Variants in MYCBP2 observed in about 807,000 individuals in gnomAD.
MYCBP2 encodes E3 ubiquitin-protein ligase MYCBP2.
Under a neutral mutation model 525.3 loss-of-function variants are expected in MYCBP2, and 120 were observed. That is an observed-to-expected ratio of 0.23 (90% CI 0.20 to 0.27). The LOEUF (loss-of-function observed/expected upper bound fraction) is 0.27, where lower values mean the gene tolerates loss of function less well. Among genes scored for constraint, MYCBP2 ranks in the 10% least tolerant of loss-of-function variants. MYCBP2 has a pLI of 1.00. For synonymous variants in MYCBP2, 1,894 were observed against 1,955.8 expected (o/e 0.97, Z 0.83); for missense variants, 4,149 against 5,657.1 (o/e 0.73, Z 8.55).
chr13:77,082,155 G>C (rs1185013066), intron 63 of MYCBP2, 162 bp from the exon 64 acceptor site: 1 of 625,056 alleles, frequency 1.6e-6, no homozygotes, highest in Non-Finnish European at 2.5e-6. Context: ...TATTGTTTTT[G>C]TTTTTGAGAA....
intron 27 of MYCBP2, among the ~76,000 whole-genome samples, chr13:77,192,545 G>A (rs530475865): frequency 1.3e-5 from 2 of 152,260 alleles, no homozygotes; most frequent in East Asian, 3.9e-4. Flanking sequence ...GAAGAATAAA[G>A]GGCATTTAAA....
intron 70 of MYCBP2, 119 bp from the exon 71 acceptor site, chr13:77,067,983 A>C: frequency 2.1e-6 from 2 of 972,178 alleles, no homozygotes; most frequent in Non-Finnish European, 3.0e-6. Flanking sequence ...GTTGGAGTGC[A>C]GTGGAGCAAC....
At chr13:77,070,567 C>G in intron 69 of MYCBP2, 64 bp downstream of exon 69, 1 of 1,214,142 alleles carries the variant, frequency 8.2e-7, no homozygotes, top group Non-Finnish European at 1.2e-6. Flanking sequence ...AACAGACAAA[C>G]AAACAAACAC....
Position 77,326,875 on chromosome 13 carries a change from C to T in MYCBP2, c.-100G>A. The T allele has an allele frequency of 8.4e-7, 1 of 1,184,612 alleles. No individual in the cohort carries two copies. The allele number at this position is 1,184,612 out of a possible 1,614,324, so 73.4% of individuals were successfully genotyped here. On this transcript the variant is annotated 5_prime_UTR_variant, in exon 1 of 83. Coordinates refer to ENST00000544440, the MANE Select transcript of MYCBP2 (RefSeq NM_015057.5). The surrounding 1 kb of genome is among the most constrained non-coding windows in gnomAD (Gnocchi z 4.2). ...CCTTTTCCAACGACGACGGCTCCGG[C>T]GGCGGCCTCTGGCTCCCGCAGCAGG...
intron 26 of MYCBP2, among the ~76,000 whole-genome samples, chr13:77,202,914 T>A (rs1328052994): frequency 6.6e-6 from 1 of 152,182 alleles, no homozygotes; most frequent in Non-Finnish European, 1.5e-5. Context: ...AAGAGCTATC[T>A]ATGACAAACC....
chr13:77,069,012 G>T (rs2040656801), intron 69 of MYCBP2, among the ~76,000 whole-genome samples, 181 bp from the exon 70 acceptor site: 1 of 152,140 alleles, frequency 6.6e-6, no homozygotes, highest in East Asian at 1.9e-4. Flanking sequence ...AACAAGTAAA[G>T]CTAAGGGAGC....
In MYCBP2 at chr13:77,156,118, G is replaced by A. The variant is rs766678534; in HGVS notation, c.6855C>T (p.Thr2285=). 3.7e-6 allele frequency: 6 copies of A among 1,613,766 alleles called. No homozygotes were observed. Among genetic ancestry groups the A allele is most frequent in the Admixed American group, 1.7e-5 (1 of 59,996 alleles). Residue 2285 remains threonine (T), a synonymous_variant, in exon 46 of 83, where the codon ACC becomes ACT. Coordinates refer to ENST00000544440, the MANE Select transcript of MYCBP2 (RefSeq NM_015057.5). The part of the protein sequence containing the change: ...NKDDIRCGWP[T]TITVQTKDQY... ...GGTCTTTTGTTTGAACAGTTATGGT[G>A]GTAGGCCAACCACAACGAATATCAT...
At chr13:77,171,410 A>G (rs1056649127) in intron 38 of MYCBP2, 82 bp downstream of exon 38, 13 of 1,350,744 alleles carry the variant, frequency 9.6e-6, no homozygotes, top group Non-Finnish European at 1.3e-5. Context: ...GTATAATAGA[A>G]GGCTCCTCTT....
chr13:77,072,220 G>C (rs2041450899), intron 68 of MYCBP2, among the ~76,000 whole-genome samples: 1 of 149,988 alleles, frequency 6.7e-6, no homozygotes, highest in Non-Finnish European at 1.5e-5. Context: ...GAACCCAGGA[G>C]TCAGAGCTTG....
rs528576606 is a variant in MYCBP2, at chr13:77,066,524, A to G, written c.12456-436T>C. ...TGATGTTATCTGCATATTGTCATGG[A>G]TTGGCTCTACAAGTAGCACTGTTCA... On this transcript the variant is annotated intron_variant, in intron 71 of 82. Transcript: ENST00000544440. Among the ~76,000 whole-genome samples, 25 of 152,328 alleles carry G rather than the reference A, an allele frequency of 1.6e-4. No individual in the cohort carries two copies. In the South Asian group the frequency reaches 4.8e-3, roughly 29 times the overall value.
chr13:77,223,525 C>T (rs2065870294), intron 20 of MYCBP2, among the ~76,000 whole-genome samples: 1 of 152,170 alleles, frequency 6.6e-6, no homozygotes, highest in South Asian at 2.1e-4. Flanking sequence ...AGAATACAAA[C>T]TCGGCTGCTG....
In MYCBP2 at chr13:77,189,014, G is replaced by C. The variant is rs1452291405; in HGVS notation, c.4188C>G (p.Gly1396=). 6.2e-7 allele frequency: 1 copy of C among 1,610,634 alleles called. No homozygotes were observed. The highest frequency in any genetic ancestry group is 1.7e-5 in the Admixed American group (1 of 59,548). Residue 1396 remains glycine, a synonymous_variant, in exon 30 of 83, where the codon GGC becomes GGG. Coordinates refer to ENST00000544440, the MANE Select transcript of MYCBP2 (RefSeq NM_015057.5). ...LPTSDGSASK[G]KQQTSEPVHI... ...GTACAGGTTCACTGGTTTGCTGTTT[G>C]CCTTTTGAAGCACTGCCATCACTGG... is the stretch of plus-strand genomic sequence containing the variant.
At chr13:77,228,539 A>G (rs1039650474) in intron 18 of MYCBP2, among the ~76,000 whole-genome samples, 6 of 151,912 alleles carry the variant, frequency 3.9e-5, no homozygotes, top group African/African-American at 7.2e-5. Flanking sequence ...CAAGCTCATT[A>G]TTCAGTAAAG....
chr13:77,309,164 C>A (rs779863426), intron 1 of MYCBP2, among the ~76,000 whole-genome samples: 5 of 152,188 alleles, frequency 3.3e-5, no homozygotes, highest in Non-Finnish European at 5.9e-5. Context: ...TCTAAATACT[C>A]CCATGTCCAG....
At chr13:77,067,318 A>G (rs1387717196) in intron 71 of MYCBP2, among the ~76,000 whole-genome samples, 6 of 152,222 alleles carry the variant, frequency 3.9e-5, no homozygotes, top group Non-Finnish European at 7.4e-5. Context: ...AATTTTGTAT[A>G]TGGTGAGAGG....
intron 43 of MYCBP2, among the ~76,000 whole-genome samples, chr13:77,163,876 T>A (rs1177316447): frequency 2.6e-5 from 4 of 152,212 alleles, no homozygotes; most frequent in Admixed American, 2.6e-4. Flanking sequence ...TCCCCTCTCC[T>A]GGTTTCTCTC....
intron 79 of MYCBP2, 57 bp from the exon 80 acceptor site, chr13:77,055,824 C>T (rs149120830): frequency 1.6e-6 from 2 of 1,251,038 alleles, no homozygotes; most frequent in African/African-American, 2.9e-5. Flanking sequence ...ACTCAACAAA[C>T]ACTTAGCATG....
chr13:77,050,963 T>A (rs2036683378), intron 82 of MYCBP2, 34 bp downstream of exon 82: 2 of 1,562,046 alleles, frequency 1.3e-6, no homozygotes, highest in African/African-American at 2.8e-5. Context: ...GGTATATAGA[T>A]CATAATCGTG....
rs1371914078 is a variant in MYCBP2, at chr13:77,225,597, C to T, written c.2738-43G>A. ...TGTGAATTATGATTAAGCCATTATT[C>T]ATCTTCAAAATAAAAATTTAAATCA... On this transcript the variant is annotated intron_variant, in intron 18 of 82. Transcript: ENST00000544440. The T allele has an allele frequency of 1.9e-6, 3 of 1,601,500 alleles. No homozygotes were observed. The Admixed American group carries it at 5.1e-5, about 27-fold the overall frequency.
Sources: gnomAD v4.1 joint callset for allele counts (sites outside exome capture counted in the v4.1 genomes callset) on GRCh38, gnomAD v4.1.1 for gene constraint, Gnocchi (gnomAD v3.1) non-coding constraint, MANE v1.5 for transcripts, NCBI Gene and HGNC (gene_info 2026-07-23, HGNC 2026-07-21) for gene names.